BMP2K: variants seen among roughly 807,000 people sequenced by gnomAD.
BMP2K encodes BMP-2-inducible protein kinase.
In BMP2K, 74 loss-of-function variants were observed where a neutral mutation model predicts 116.0. The observed-to-expected ratio is 0.64, with a 90% confidence interval of 0.53 to 0.77. The LOEUF (loss-of-function observed/expected upper bound fraction) is 0.77, where lower values mean the gene tolerates loss of function less well. BMP2K is among the 30% of genes least tolerant of loss of function. The probability of loss-of-function intolerance (pLI) is 0.00; values close to 1 mark genes in which losing one functional copy is unlikely to be tolerated. For synonymous variants in BMP2K, 486 were observed against 502.5 expected, an observed-to-expected ratio of 0.97 and a Z score of 0.44; for missense variants, 1,365 against 1,403.6, an observed-to-expected ratio of 0.97 and a Z score of 0.44.
At chr4:78,904,337 C>T (rs891661511) in intron 15 of BMP2K, among the ~76,000 whole-genome samples, 2 of 151,816 alleles carry the variant, frequency 1.3e-5, no homozygotes. Context: ...ATATGAAAAA[C>T]CCTTGGCACT....
intron 7 of BMP2K, among the ~76,000 whole-genome samples, chr4:78,852,574 A>G (rs2110035308): frequency 6.6e-6 from 1 of 152,256 alleles, no homozygotes; most frequent in African/African-American, 2.4e-5. Flanking sequence ...GTGTTTTAGA[A>G]AACATTTAGA....
chr4:78,838,938 T>C (rs1730622077), intron 3 of BMP2K, among the ~76,000 whole-genome samples: 3 of 152,218 alleles, frequency 2.0e-5, no homozygotes, highest in Admixed American at 2.0e-4. Flanking sequence ...TCAGTATTGG[T>C]ATTTTGAGCA....
intron 1 of BMP2K, among the ~76,000 whole-genome samples, chr4:78,784,861 G>C (rs1156889405): frequency 6.6e-6 from 1 of 151,426 alleles, no homozygotes. Context: ...AAATGAAGTG[G>C]AAAAAATGAA....
chr4:78,861,498 G>T (rs370350603), intron 9 of BMP2K, 30 bp downstream of exon 9: 318 of 1,538,904 alleles, frequency 2.1e-4, no homozygotes, highest in Non-Finnish European at 2.7e-4. Flanking sequence ...AATTGAAAAG[G>T]CATTAAAAAA....
rs1021131229 is a variant in BMP2K at position 78,865,421 on chromosome 4, C to A, written c.1068-136C>A. The stretch of plus-strand genomic sequence containing the variant: ...AAACGTTTAATACTTGAAAATGAGC[C>A]TTAGGAGAAAGATGAGGACTAATGC... On this transcript the variant is annotated intron_variant, in intron 9 of 15. Transcript: ENST00000502613. The A allele has an allele frequency of 4.7e-5, 37 of 788,446 alleles. 1 individual carries two copies. The East Asian group carries it at 7.9e-4, about 17-fold the overall frequency. 48.8% of individuals were successfully genotyped at this position (788,446 alleles called of 1,614,324 possible).
At position 78,865,650 on chromosome 4, in the gene BMP2K, G is replaced by T; in HGVS notation, c.1161G>T (p.Leu387=). ...NSATTATPSV[L]TIQSSATPVK... ...CTACTACTGCCACTCCCAGTGTGCT[G>T]ACCATTCAAAGTTCAGCAACACCTG... The change falls in exon 10 of 16, where the codon CTG becomes CTT. Residue 387 remains leucine (L), a synonymous_variant. Coordinates refer to ENST00000502613, the MANE Select transcript of BMP2K (RefSeq NM_198892.2). 6.2e-7 allele frequency: 1 copy of T among 1,614,122 alleles called. No individual in the cohort carries two copies. Among genetic ancestry groups the T allele is most frequent in the African/African-American group, 1.3e-5 (1 of 75,032 alleles).
intron 1 of BMP2K, among the ~76,000 whole-genome samples, chr4:78,814,865 T>G (rs1729258609): frequency 6.6e-6 from 1 of 152,210 alleles, no homozygotes; most frequent in South Asian, 2.1e-4. Context: ...TTTGATATTA[T>G]TATATTCACA....
chr4:78,790,163 G>GAT (rs1394128933), intron 1 of BMP2K, among the ~76,000 whole-genome samples: 42 of 152,224 alleles, frequency 2.8e-4, no homozygotes, highest in African/African-American at 1.0e-3. Flanking sequence ...TTACTTTTAT[G>GAT]ATACATTTGG....
chr4:78,829,656 A>C (rs2110004857), intron 2 of BMP2K, among the ~76,000 whole-genome samples: 1 of 152,258 alleles, frequency 6.6e-6, no homozygotes, highest in African/African-American at 2.4e-5. Context: ...CTATAGTCTT[A>C]AGAAATATAT....
chr4:78,841,980 A>G (rs896595904), intron 3 of BMP2K, among the ~76,000 whole-genome samples: 1 of 152,014 alleles, frequency 6.6e-6, no homozygotes, highest in Non-Finnish European at 1.5e-5. Flanking sequence ...AATTATTACA[A>G]TATATCTATT....
intron 1 of BMP2K, among the ~76,000 whole-genome samples, chr4:78,825,197 TC>T (rs1436089773): frequency 6.6e-6 from 1 of 151,976 alleles, no homozygotes; most frequent in Non-Finnish European, 1.5e-5. Context: ...AGAGTGAAAC[TC>T]CATCTCAAAA....
intron 1 of BMP2K, among the ~76,000 whole-genome samples, chr4:78,792,695 C>G (rs1728062084): frequency 6.6e-6 from 1 of 151,750 alleles, no homozygotes; most frequent in Non-Finnish European, 1.5e-5. Flanking sequence ...AATGGAATAT[C>G]TGTATAACCT....
At chr4:78,847,140 T>TTATA (rs146999088) in intron 5 of BMP2K, 48 bp from the exon 6 acceptor site, 52 of 958,878 alleles carry the variant, frequency 5.4e-5, no homozygotes, top group East Asian at 2.0e-4. Context: ...TGTCTTTTTT[T>TTATA]TATATATATA....
chr4:78,835,314 T>C (rs994309957), intron 3 of BMP2K, among the ~76,000 whole-genome samples: 5 of 152,068 alleles, frequency 3.3e-5, no homozygotes, highest in African/African-American at 1.2e-4. Context: ...CAAAGTAATT[T>C]GTATATATGG....
At chr4:78,801,894 G>A (rs1728586042) in intron 1 of BMP2K, among the ~76,000 whole-genome samples, 1 of 152,098 alleles carries the variant, frequency 6.6e-6, no homozygotes, top group South Asian at 2.1e-4. Context: ...TTAGAAATTA[G>A]GCTTATTTTA....
intron 1 of BMP2K, among the ~76,000 whole-genome samples, chr4:78,811,546 C>T (rs1455866015): frequency 6.6e-6 from 1 of 152,122 alleles, no homozygotes; most frequent in African/African-American, 2.4e-5. Context: ...TAATTTTAAA[C>T]ATAATAGGAG....
rs142367975 is a variant in BMP2K, at chr4:78,801,693, C to A, written c.179-24344C>A. 2.6e-3 allele frequency among the ~76,000 whole-genome samples: 394 copies of A among 152,120 alleles called. 1 individual carries two copies. The highest frequency in any genetic ancestry group is 4.4e-3 in the Non-Finnish European group (302 of 67,974). The stretch of plus-strand genomic sequence containing the variant: ...TATCTGGAAGACATATATACTTTTT[C>A]TGTTGTTTTAGTGGTGGTTTATCCC... On this transcript the variant is annotated intron_variant, in intron 1 of 15. Transcript: ENST00000502613.
At position 78,914,006 on chromosome 4, in the gene BMP2K, AAAGTG is replaced by A. The variant is rs1462784275; in HGVS notation, c.*1977_*1981del. The A allele has an allele frequency of 3.3e-5, 5 of 152,086 alleles. No homozygotes were observed. Among genetic ancestry groups the A allele is most frequent in the African/African-American group, 1.2e-4 (5 of 41,442 alleles). 9.4% of individuals were successfully genotyped at this position (152,086 alleles called of 1,614,324 possible). On this transcript the variant is annotated 3_prime_UTR_variant, in exon 16 of 16. Coordinates refer to ENST00000502613, the MANE Select transcript of BMP2K (RefSeq NM_198892.2). ...TAGATTCAAGTGATACTTTCTTTTA[AAAGTG>A]AAGAGTTGATGATTACACATAGTAA...
Position 78,912,096 on chromosome 4 carries a change from T to C in BMP2K, c.*63T>C. ...AAAAAAGTGTGAACAGTTTTATGAA[T>C]TTGAAAGAAAATTTGGTAGCTCTTT... On this transcript the variant is annotated 3_prime_UTR_variant, in exon 16 of 16. Coordinates refer to ENST00000502613, the MANE Select transcript of BMP2K (RefSeq NM_198892.2). The C allele has an allele frequency of 6.9e-7, 1 of 1,452,520 alleles. No individual in the cohort carries two copies. The highest frequency in any genetic ancestry group is 9.3e-7 in the Non-Finnish European group (1 of 1,070,562). The allele number at this position is 1,452,520 out of a possible 1,614,324, so 90.0% of individuals were successfully genotyped here. A position where few individuals can be genotyped will look rare whatever the true frequency, so the allele number is the denominator to read the frequency against.
Sources: allele counts gnomAD v4.1 joint callset (sites outside exome capture counted in the v4.1 genomes callset), GRCh38; gene constraint gnomAD v4.1.1; transcripts MANE v1.5; gene names NCBI Gene and HGNC (gene_info 2026-07-23, HGNC 2026-07-21).